The following SCYL2 variants were observed in gnomAD, a reference collection of about 807,000 sequenced individuals.
SCYL2 encodes SCY1 like pseudokinase 2.
In SCYL2, 36 loss-of-function variants were observed where a neutral mutation model predicts 100.4. The ratio of observed to expected loss-of-function variants is 0.36; its 90% CI spans 0.27 to 0.47. The LOEUF is 0.47. SCYL2 is among the 20% of genes least tolerant of loss of function. SCYL2 has a pLI of 1.00. For synonymous variants in SCYL2, 330 were observed against 359.2 expected (o/e 0.92, Z 0.92); for missense variants, 902 against 1,083.9 (o/e 0.83, Z 2.36).
Position 100,314,479 on chromosome 12 carries a change from T to C in SCYL2, c.970-10T>C. 1.3e-6 allele frequency: 2 copies of C among 1,515,546 alleles called. No individual in the cohort carries two copies. Among genetic ancestry groups the C allele is most frequent in the Non-Finnish European group, 9.1e-7 (1 of 1,104,644 alleles). The allele number at this position is 1,515,546 out of a possible 1,614,324, so 93.9% of individuals were successfully genotyped here. ...CATTTATCAAAATACTTTATTTCCA[T>C]TTTTTTTAGATTCCCTTCTTTGATG... On this transcript the variant is annotated splice_polypyrimidine_tract_variant and intron_variant, in intron 7 of 17. Transcript: ENST00000360820.
rs563968407 is a variant in SCYL2, at chr12:100,317,699, G to A, written c.1273-104G>A. 9.1e-6 allele frequency: 13 copies of A among 1,432,484 alleles called. No homozygotes were observed. In the South Asian group the frequency reaches 1.8e-4, roughly 20 times the overall value. 88.7% of individuals were successfully genotyped at this position (1,432,484 alleles called of 1,614,324 possible). Reference sequence around the variant, plus strand: ...CATTCAGGCTAGCAACATGGTGAGTGTCAAAATATATGAGTTATTCTTTTG... The same window carrying A: ...CATTCAGGCTAGCAACATGGTGAGTATCAAAATATATGAGTTATTCTTTTG... On this transcript the variant is annotated intron_variant, in intron 9 of 17. Coordinates refer to ENST00000360820, the MANE Select transcript of SCYL2 (RefSeq NM_017988.6).
intron 11 of SCYL2, 23 bp from the exon 12 acceptor site, chr12:100,326,599 A>G: frequency 6.5e-7 from 1 of 1,543,158 alleles, no homozygotes; most frequent in South Asian, 1.3e-5. Context: ...TTAATGACTA[A>G]TGCAATTTAC....
In SCYL2 at chr12:100,338,656, T is replaced by C. The variant is rs1482004585; in HGVS notation, c.2274T>C (p.Phe758=). The C allele has an allele frequency of 1.9e-6, 3 of 1,613,904 alleles. No individual in the cohort carries two copies. The highest frequency in any genetic ancestry group is 2.5e-6 in the Non-Finnish European group (3 of 1,179,902). ...SVPSMGIGMM[F]STPTDNTKRN... The stretch of plus-strand genomic sequence containing the variant: ...CTTCCATGGGCATTGGTATGATGTT[T>C]TCTACACCAACTGATAATACAAAGA... Residue 758 remains phenylalanine (F), a synonymous_variant, in exon 18 of 18, where the codon TTT becomes TTC. Coordinates refer to ENST00000360820, the MANE Select transcript of SCYL2 (RefSeq NM_017988.6).
intron 10 of SCYL2, among the ~76,000 whole-genome samples, chr12:100,318,332 T>TG (rs202211459): frequency 1.0e-4 from 15 of 145,666 alleles, no homozygotes; most frequent in African/African-American, 3.6e-4. Context: ...TTTCTTTCTT[T>TG]TTTTTTTTTT....
At chr12:100,330,834 T>C (rs1323736493) in intron 13 of SCYL2, among the ~76,000 whole-genome samples, 1 of 149,756 alleles carries the variant, frequency 6.7e-6, no homozygotes, top group East Asian at 1.9e-4. Flanking sequence ...TTTTTTCTTT[T>C]TTTTTTTTTT....
At position 100,329,216 on chromosome 12, in the gene SCYL2, CT is replaced by C; in HGVS notation, c.1662del (p.Phe554LeufsTer24). The C allele has an allele frequency of 6.3e-7, 1 of 1,579,632 alleles. No homozygotes were observed. Among genetic ancestry groups the C allele is most frequent in the Non-Finnish European group, 8.7e-7 (1 of 1,149,116 alleles). On this transcript the variant is annotated frameshift_variant, in exon 13 of 18. Coordinates refer to ENST00000360820, the MANE Select transcript of SCYL2 (RefSeq NM_017988.6). LOFTEE classifies it high-confidence loss of function. ...TTTCTATCAGGTATTTACAAATGTA[CT>C]TTTACTCATAAGAAGTTGGGAATCA... The part of the protein sequence containing the change: ...LMGILGIYKC[T>X]FTHKKLGITK...
At chr12:100,304,505 G>A (rs1026225094) in intron 4 of SCYL2, among the ~76,000 whole-genome samples, 17 of 152,092 alleles carry the variant, frequency 1.1e-4, no homozygotes, top group Non-Finnish European at 2.1e-4. Flanking sequence ...TTCCCTTGGC[G>A]ACAGGAGGGA....
intron 3 of SCYL2, among the ~76,000 whole-genome samples, chr12:100,292,728 G>A (rs1303243863): frequency 2.0e-5 from 3 of 152,098 alleles, no homozygotes; most frequent in Non-Finnish European, 4.4e-5. Flanking sequence ...TTAAGTGCTG[G>A]AGCTAGGATT....
intron 10 of SCYL2, among the ~76,000 whole-genome samples, chr12:100,322,020 C>T (rs1404745130): frequency 6.7e-6 from 1 of 149,016 alleles, no homozygotes; most frequent in Admixed American, 6.7e-5. Context: ...TGCACTCCAC[C>T]CTGGGTGACA....
chr12:100,314,757 C>A, intron 8 of SCYL2, 143 bp downstream of exon 8: 1 of 800,500 alleles, frequency 1.2e-6, no homozygotes, highest in Non-Finnish European at 1.9e-6. Flanking sequence ...CAACTGAAGC[C>A]AAAAGTTCAG....
chr12:100,336,865 G>A (rs1851433146), intron 16 of SCYL2, among the ~76,000 whole-genome samples: 1 of 152,138 alleles, frequency 6.6e-6, no homozygotes, highest in Admixed American at 6.6e-5. Context: ...TACTGTATGT[G>A]TAAAGCTAAG....
At chr12:100,270,013 G>C (rs534315328) in intron 1 of SCYL2, among the ~76,000 whole-genome samples, 4 of 150,354 alleles carry the variant, frequency 2.7e-5, no homozygotes, top group African/African-American at 9.8e-5. Context: ...GTGAGACGGA[G>C]TGTCACTCTG....
chr12:100,288,068 A>T (rs1361778352), intron 2 of SCYL2, among the ~76,000 whole-genome samples: 1 of 152,188 alleles, frequency 6.6e-6, no homozygotes, highest in Non-Finnish European at 1.5e-5. Context: ...AGAAAAATGA[A>T]ATTAGATTAT....
chr12:100,281,017 G>GTGTTTTGTT (rs1356176611), intron 1 of SCYL2, among the ~76,000 whole-genome samples: 12 of 91,694 alleles, frequency 1.3e-4, no homozygotes, highest in African/African-American at 5.4e-4. Context: ...TTTACCATCA[G>GTGTTTTGTT]TGTTTTTTTT....
chr12:100,339,416 T>A lies in SCYL2; in HGVS notation c.*244T>A. On this transcript the variant is annotated 3_prime_UTR_variant, in exon 18 of 18. Coordinates refer to ENST00000360820, the MANE Select transcript of SCYL2 (RefSeq NM_017988.6). ...TTCAGGTTTTTAAAGACCCAGCCCT[T>A]CCCAATCTCAAAGAGAAAAAGGAAA... is the stretch of plus-strand genomic sequence containing the variant. 1 of 433,374 alleles carries A rather than the reference T, an allele frequency of 2.3e-6. No individual in the cohort carries two copies. Among genetic ancestry groups the A allele is most frequent in the Non-Finnish European group, 4.1e-6 (1 of 245,558 alleles). The allele number at this position is 433,374 out of a possible 1,614,324, so 26.8% of individuals were successfully genotyped here.
chr12:100,313,691 A>G (rs1184597897), intron 7 of SCYL2, among the ~76,000 whole-genome samples, 153 bp downstream of exon 7: 2 of 152,194 alleles, frequency 1.3e-5, no homozygotes, highest in Non-Finnish European at 2.9e-5. Flanking sequence ...GCCCCAAATA[A>G]CATCTGTATC....
intron 3 of SCYL2, 32 bp downstream of exon 3, chr12:100,291,692 T>C: frequency 6.5e-7 from 1 of 1,531,270 alleles, no homozygotes; most frequent in Non-Finnish European, 8.8e-7. Context: ...CATAGTAGAC[T>C]TCCTGAACAA....
At chr12:100,304,783 C>T (rs1344812102) in intron 4 of SCYL2, among the ~76,000 whole-genome samples, 1 of 151,574 alleles carries the variant, frequency 6.6e-6, no homozygotes, top group African/African-American at 2.4e-5. Context: ...CACACATAGG[C>T]TCAAAATAAA....
chr12:100,306,210 T>C (rs1378156185), intron 4 of SCYL2, among the ~76,000 whole-genome samples: 1 of 152,120 alleles, frequency 6.6e-6, no homozygotes, highest in Non-Finnish European at 1.5e-5. Context: ...AAGAAGAAAA[T>C]TTCAGGCCAA....
Sources: gnomAD v4.1 joint callset for allele counts (sites outside exome capture counted in the v4.1 genomes callset) on GRCh38, gnomAD v4.1.1 for gene constraint, MANE v1.5 for transcripts, NCBI Gene and HGNC (gene_info 2026-07-23, HGNC 2026-07-21) for gene names.